FSTL5: variants seen among roughly 807,000 people sequenced by gnomAD.
The protein encoded by FSTL5 is follistatin like 5.
A neutral mutation model predicts 89.1 loss-of-function variants in FSTL5; 62 were observed. That is an observed-to-expected ratio of 0.70 (90% confidence interval 0.57 to 0.86). The LOEUF (loss-of-function observed/expected upper bound fraction) is 0.86, where lower values mean the gene tolerates loss of function less well. Ranked by LOEUF, FSTL5 falls within the 40% of genes least tolerant of loss-of-function variation. The pLI, the probability that FSTL5 is intolerant of heterozygous loss-of-function variation, is 0.00. For missense variants in FSTL5, 1,057 were observed against 1,001.6 expected (o/e 1.06, Z -0.75); for synonymous variants, 383 against 346.2 (o/e 1.11, Z -1.18).
intron 10 of FSTL5, among the ~76,000 whole-genome samples, chr4:161,527,168 A>G (rs1731251400): frequency 6.6e-6 from 1 of 152,272 alleles, no homozygotes; most frequent in Non-Finnish European, 1.5e-5. Context: ...GTCCCTTGTA[A>G]GTTGGATTCC....
chr4:161,960,333 AT>A (rs933655374), intron 3 of FSTL5, among the ~76,000 whole-genome samples: 32 of 149,260 alleles, frequency 2.1e-4, no homozygotes, highest in Admixed American at 6.0e-4. Context: ...TGCCCAGCTA[AT>A]TTTTTTTTTA....
At chr4:161,733,862 G>A (rs1739698811) in intron 6 of FSTL5, among the ~76,000 whole-genome samples, 2 of 151,946 alleles carry the variant, frequency 1.3e-5, no homozygotes, top group African/African-American at 4.8e-5. Context: ...GAAATGTAGG[G>A]AGTTGTAGGA....
intron 3 of FSTL5, among the ~76,000 whole-genome samples, chr4:161,930,132 T>C (rs1290438178): frequency 6.6e-6 from 1 of 151,874 alleles, no homozygotes; most frequent in Non-Finnish European, 1.5e-5. Flanking sequence ...AAAGGCACTG[T>C]GTTTGTAGCA....
intron 12 of FSTL5, among the ~76,000 whole-genome samples, chr4:161,489,840 A>C (rs918673244): frequency 5.3e-5 from 8 of 152,184 alleles, no homozygotes; most frequent in Non-Finnish European, 1.2e-4. Flanking sequence ...CCTTTTCATT[A>C]AACTTTGAAA....
intron 4 of FSTL5, among the ~76,000 whole-genome samples, chr4:161,886,382 T>C (rs996593998): frequency 6.6e-6 from 1 of 152,210 alleles, no homozygotes; most frequent in Non-Finnish European, 1.5e-5. Context: ...AACATCATTC[T>C]CTAAAAGGTG....
intron 1 of FSTL5, among the ~76,000 whole-genome samples, chr4:162,141,781 A>G (rs1466813284): frequency 6.6e-6 from 1 of 152,170 alleles, no homozygotes; most frequent in Non-Finnish European, 1.5e-5. Flanking sequence ...GCAGTTCCAT[A>G]TACAAGTGTG....
intron 1 of FSTL5, among the ~76,000 whole-genome samples, chr4:162,144,098 G>A (rs1732875580): frequency 6.6e-6 from 1 of 152,134 alleles, no homozygotes; most frequent in Non-Finnish European, 1.5e-5. Flanking sequence ...AGCAAACACA[G>A]TGAAGAACAG....
chr4:161,576,415 A>G (rs1242157083), intron 8 of FSTL5, among the ~76,000 whole-genome samples: 3 of 152,236 alleles, frequency 2.0e-5, no homozygotes, highest in African/African-American at 7.2e-5. Flanking sequence ...TCTGACTTCA[A>G]ACTACACTAC....
At chr4:161,563,441 C>T (rs1338607829) in intron 8 of FSTL5, among the ~76,000 whole-genome samples, 5 of 152,070 alleles carry the variant, frequency 3.3e-5, no homozygotes, top group East Asian at 1.9e-4. Context: ...AAATTCTCCA[C>T]ATTCTGACCA....
chr4:161,599,569 A>G (rs1299935210), intron 7 of FSTL5, among the ~76,000 whole-genome samples: 3 of 152,136 alleles, frequency 2.0e-5, no homozygotes, highest in Admixed American at 6.6e-5. Context: ...CACTATTCCA[A>G]GTGTTTTAAA....
chr4:161,532,585 TTTGA>T (rs1354640482), intron 10 of FSTL5, among the ~76,000 whole-genome samples: 20 of 152,234 alleles, frequency 1.3e-4, no homozygotes, highest in African/African-American at 4.8e-4. Flanking sequence ...CTAATGGGTC[TTTGA>T]TTGGTTCTTT....
In FSTL5 at chr4:161,542,555, A is replaced by T. The variant is rs1199612619; in HGVS notation, c.1154T>A (p.Leu385His). 1 of 1,513,054 alleles carries T rather than the reference A, an allele frequency of 6.6e-7. No homozygotes were observed. The highest frequency in any genetic ancestry group is 8.9e-7 in the Non-Finnish European group (1 of 1,126,128). 93.7% of individuals were successfully genotyped at this position (1,513,054 alleles called of 1,614,324 possible). ...LKNGIDITPK[L>H]SKQLTLQANG... ...ACCTTGAAGCGTGAGTTGTTTGGAA[A>T]GCTTTGGTGTAATATCAATTCCATT... Residue 385 changes from leucine (L) to histidine (H), a missense_variant, in exon 9 of 16, where the codon CTT becomes CAT. Leu to His is a moderately conservative substitution (Grantham distance 99, BLOSUM62 -3). This residue lies in a region of FSTL5 where 980 missense variants were observed against 903.2 expected (regional missense o/e 1.08). Transcript: ENST00000306100.
intron 6 of FSTL5, among the ~76,000 whole-genome samples, chr4:161,679,972 A>G (rs182286623): frequency 6.6e-6 from 1 of 151,932 alleles, no homozygotes; most frequent in Non-Finnish European, 1.5e-5. Context: ...TTATATTCCA[A>G]AAAGTACAAA....
intron 2 of FSTL5, among the ~76,000 whole-genome samples, chr4:162,077,894 CAA>C (rs1729933506): frequency 6.6e-6 from 1 of 151,756 alleles, no homozygotes; most frequent in Non-Finnish European, 1.5e-5. Flanking sequence ...AGTTGATAGT[CAA>C]GTTAGAATAG....
chr4:162,158,724 A>G (rs12508498), intron 1 of FSTL5, among the ~76,000 whole-genome samples: 5,713 of 152,168 alleles, frequency 0.038, 131 homozygotes, highest in Admixed American at 0.049. Context: ...AATAGTATCA[A>G]TCTTTACAAA....
chr4:161,664,096 C>T (rs1736806570), intron 6 of FSTL5, among the ~76,000 whole-genome samples: 1 of 152,208 alleles, frequency 6.6e-6, no homozygotes, highest in Non-Finnish European at 1.5e-5. Context: ...ACCTGTTCCT[C>T]CTGGGCCTCT....
intron 8 of FSTL5, among the ~76,000 whole-genome samples, chr4:161,552,128 T>C (rs1269848863): frequency 6.6e-6 from 1 of 151,930 alleles, no homozygotes; most frequent in East Asian, 1.9e-4. Flanking sequence ...AATGTACTTA[T>C]GGTAAACCCA....
At chr4:161,815,291 T>G (rs1376218303) in intron 4 of FSTL5, among the ~76,000 whole-genome samples, 1 of 152,080 alleles carries the variant, frequency 6.6e-6, no homozygotes, top group African/African-American at 2.4e-5. Flanking sequence ...TTGTTTACAA[T>G]ATTATGTGAT....
chr4:161,615,642 A>G (rs1734840863), intron 7 of FSTL5, among the ~76,000 whole-genome samples: 2 of 152,072 alleles, frequency 1.3e-5, no homozygotes, highest in South Asian at 4.1e-4. Context: ...CTTAAATATT[A>G]AAATCTTTAA....
Sources: allele counts gnomAD v4.1 joint callset (sites outside exome capture counted in the v4.1 genomes callset), GRCh38; gene constraint gnomAD v4.1.1; regional missense constraint gnomAD v4.1.1; transcripts MANE v1.5; gene names NCBI Gene and HGNC (gene_info 2026-07-23, HGNC 2026-07-21).